TRIM62: variants seen among roughly 807,000 people sequenced by gnomAD.
The protein encoded by TRIM62 is tripartite motif containing 62.
In TRIM62, 39 loss-of-function variants were observed where a neutral mutation model predicts 44.2. The observed-to-expected ratio is 0.88, with a 90% CI of 0.68 to 1.15. TRIM62 has a LOEUF of 1.15. TRIM62 is among the 50% of genes most tolerant of loss of function. TRIM62 has a pLI of 0.00. For missense variants in TRIM62, 544 were observed against 665.5 expected (o/e 0.82, Z 2.01); for synonymous variants, 278 against 292.3 (o/e 0.95, Z 0.50).
chr1:33,160,032 A>C (rs1464414603), intron 2 of TRIM62, 88 bp from the exon 3 acceptor site: 1 of 1,531,456 alleles, frequency 6.5e-7, no homozygotes, highest in Non-Finnish European at 8.8e-7. Context: ...GCCTTGACAC[A>C]CAGAGAGGAA....
At chr1:33,169,178 CACTT>C (rs1230643576) in intron 1 of TRIM62, among the ~76,000 whole-genome samples, 3 of 152,154 alleles carry the variant, frequency 2.0e-5, no homozygotes, top group African/African-American at 7.2e-5. Flanking sequence ...GGGACACAGA[CACTT>C]ACATCATGGG....
At position 33,165,138 on chromosome 1, in the gene TRIM62, C is replaced by T; in HGVS notation, c.504+333G>A. On this transcript the variant is annotated intron_variant, in intron 2 of 4. Transcript: ENST00000291416. This position sits in a 1 kb window ranked among gnomAD's most constrained non-coding sequence, Gnocchi z 4.0. Reference sequence around the variant, plus strand: ...GAGGAGAAAGAGACTGAGCACATTCCCCAGCCCTTCAGGAGGCAGGGGGTT... The same window carrying T: ...GAGGAGAAAGAGACTGAGCACATTCTCCAGCCCTTCAGGAGGCAGGGGGTT... 1 of 219,836 alleles carries T rather than the reference C, an allele frequency of 4.5e-6. No individual in the cohort carries two copies. Among genetic ancestry groups the T allele is most frequent in the Non-Finnish European group, 9.1e-6 (1 of 110,028 alleles). 13.6% of individuals were successfully genotyped at this position (219,836 alleles called of 1,614,324 possible).
Position 33,159,859 on chromosome 1 carries a change from A to G in TRIM62, c.590T>C (p.Leu197Pro). 6.2e-7 allele frequency: 1 copy of G among 1,613,196 alleles called. No homozygotes were observed. The highest frequency in any genetic ancestry group is 8.5e-7 in the Non-Finnish European group (1 of 1,180,002). ...RLLRERQKAM[L>P]EELEADTART... ...GGCCGTGTCCGCCTCCAGCTCCTCT[A>G]GCATGGCCTTCTGGCGTTCACGCAG... is the stretch of plus-strand genomic sequence containing the variant. Residue 197 changes from leucine to proline, a missense_variant, in exon 3 of 5, where the codon CTA (leucine) becomes CCA (proline). Coordinates refer to ENST00000291416, the MANE Select transcript of TRIM62 (RefSeq NM_018207.3). This position sits in a 1 kb window ranked among gnomAD's most constrained non-coding sequence, Gnocchi z 4.2.
chr1:33,153,136 G>A (rs1645126055), intron 4 of TRIM62, among the ~76,000 whole-genome samples: 2 of 152,214 alleles, frequency 1.3e-5, no homozygotes, highest in Admixed American at 1.3e-4. Flanking sequence ...CTGAGCTGGA[G>A]GGGAGGGGCA....
rs1645336694 is a variant in TRIM62 at position 33,167,215 on chromosome 1, C to A, written c.409-1649G>T. On this transcript the variant is annotated intron_variant, in intron 1 of 4. Transcript: ENST00000291416. This position sits in a 1 kb window ranked among gnomAD's most constrained non-coding sequence, Gnocchi z 4.2. ...CCACGCACAGTGGCACCTCCTCATA[C>A]CCTGTCACACATCTGGATTCACGGT... is the stretch of plus-strand genomic sequence containing the variant. 6.6e-6 allele frequency among the ~76,000 whole-genome samples: 1 copy of A among 152,204 alleles called. No homozygotes were observed. Among genetic ancestry groups the A allele is most frequent in the African/African-American group, 2.4e-5 (1 of 41,446 alleles).
intron 4 of TRIM62, among the ~76,000 whole-genome samples, chr1:33,156,737 G>A (rs956812085): frequency 1.3e-5 from 2 of 152,140 alleles, no homozygotes; most frequent in Non-Finnish European, 2.9e-5. Flanking sequence ...CATCCCTACT[G>A]CCTTTTCAGC....
rs951264472 is a variant in TRIM62, at chr1:33,179,259, G to A, written c.408+1766C>T. Among the ~76,000 whole-genome samples the A allele has an allele frequency of 2.0e-5, 3 of 152,360 alleles. 1 individual carries two copies. Among genetic ancestry groups the A allele is most frequent in the Middle Eastern group, 6.8e-3 (2 of 294 alleles). The stretch of plus-strand genomic sequence containing the variant: ...CAGGCTCCCAGAGGCCCAGGCCCTT[G>A]CTCACCCTCTGATGGGGCCTTCATC... On this transcript the variant is annotated intron_variant, in intron 1 of 4. Coordinates refer to ENST00000291416, the MANE Select transcript of TRIM62 (RefSeq NM_018207.3).
chr1:33,147,279 G>A lies in TRIM62; in HGVS notation c.1326C>T (p.Arg442=), dbSNP rs746662481. The part of the protein sequence containing the change: ...ADDMSWLYTF[R]EKFPGKLCSY... ...AGCAGAGCTTGCCAGGGAACTTCTC[G>A]CGGAAGGTGTAGAGCCAGGACATGT... The change falls in exon 5 of 5, where the codon CGC becomes CGT. Residue 442 remains arginine (R), a synonymous_variant. Coordinates refer to ENST00000291416, the MANE Select transcript of TRIM62 (RefSeq NM_018207.3). The surrounding 1 kb of genome is among the most constrained non-coding windows in gnomAD (Gnocchi z 8.1). 56 of 1,614,028 alleles carry A rather than the reference G, an allele frequency of 3.5e-5. 1 individual carries two copies. The Admixed American group carries it at 4.5e-4, about 13-fold the overall frequency.
intron 4 of TRIM62, among the ~76,000 whole-genome samples, chr1:33,157,223 C>G (rs1044946888): frequency 6.6e-6 from 1 of 152,188 alleles, no homozygotes; most frequent in Non-Finnish European, 1.5e-5. Context: ...TTCACCTTGA[C>G]CCTCCTTCTC....
chr1:33,175,537 C>T (rs1219727115), intron 1 of TRIM62, among the ~76,000 whole-genome samples: 1 of 152,130 alleles, frequency 6.6e-6, no homozygotes, highest in Non-Finnish European at 1.5e-5. Flanking sequence ...AAATGGGGAG[C>T]GTGTCAACCA....
rs1177833001 is a variant in TRIM62 at position 33,169,713 on chromosome 1, A to C, written c.409-4147T>G. On this transcript the variant is annotated intron_variant, in intron 1 of 4. Coordinates refer to ENST00000291416, the MANE Select transcript of TRIM62 (RefSeq NM_018207.3). ...CACGTGGCTATTTAAATTGCAATTA[A>C]TTAAAATGAAATAAAATGGAAAATT... Among the ~76,000 whole-genome samples, 3 of 152,242 alleles carry C rather than the reference A, an allele frequency of 2.0e-5. 1 individual carries two copies. Among genetic ancestry groups the C allele is most frequent in the African/African-American group, 7.2e-5 (3 of 41,462 alleles).
chr1:33,166,566 C>T (rs1645329346), intron 1 of TRIM62, among the ~76,000 whole-genome samples: 1 of 152,126 alleles, frequency 6.6e-6, no homozygotes, highest in Non-Finnish European at 1.5e-5. Context: ...TTATTATCTC[C>T]ATCTTCTGAT....
Position 33,177,090 on chromosome 1 carries a change from A to C in TRIM62, c.408+3935T>G, listed in dbSNP as rs645998. Among the ~76,000 whole-genome samples, 113,017 of 150,850 alleles carry C rather than the reference A, an allele frequency of 0.75. 42,270 individuals carry two copies. Among genetic ancestry groups the C allele is most frequent in the Admixed American group, 0.78 (11,778 of 15,180 alleles). ...ATGCACACACACACATGCATGCACA[A>C]ATGCACACACATGCACACACACATG... On this transcript the variant is annotated intron_variant, in intron 1 of 4. Transcript: ENST00000291416. This position sits in a 1 kb window ranked among gnomAD's most constrained non-coding sequence, Gnocchi z 4.1.
intron 1 of TRIM62, among the ~76,000 whole-genome samples, chr1:33,171,435 T>C (rs990324486): frequency 1.3e-5 from 2 of 152,106 alleles, no homozygotes; most frequent in African/African-American, 4.8e-5. Context: ...CTTGCCTAAG[T>C]TCACACAGCT....
In TRIM62 at chr1:33,181,516, G is replaced by A; in HGVS notation, c.-84C>T. 1.4e-6 allele frequency: 2 copies of A among 1,461,972 alleles called. No individual in the cohort carries two copies. Among genetic ancestry groups the A allele is most frequent in the Non-Finnish European group, 1.8e-6 (2 of 1,117,212 alleles). The allele number at this position is 1,461,972 out of a possible 1,614,324, so 90.6% of individuals were successfully genotyped here. On this transcript the variant is annotated 5_prime_UTR_variant, in exon 1 of 5. Coordinates refer to ENST00000291416, the MANE Select transcript of TRIM62 (RefSeq NM_018207.3). This position sits in a 1 kb window ranked among gnomAD's most constrained non-coding sequence, Gnocchi z 6.5. ...GGCGCTGTCGGAGGCAGCACCGAGG[G>A]CTGGGCGCGGGGACGAGGCCCGCAC...
At position 33,158,903 on chromosome 1, in the gene TRIM62, C is replaced by T. The variant is rs1325597006; in HGVS notation, c.762-535G>A. 6.6e-5 allele frequency among the ~76,000 whole-genome samples: 10 copies of T among 151,828 alleles called. 2 individuals are homozygous for T. The highest frequency in any genetic ancestry group is 6.6e-5 in the Admixed American group (1 of 15,262). ...TTGCCCAGGCTGAAGTGCAATGGCG[C>T]GATCTCAGCTCACTGCAACCTCTGC... On this transcript the variant is annotated intron_variant, in intron 3 of 4. Coordinates refer to ENST00000291416, the MANE Select transcript of TRIM62 (RefSeq NM_018207.3).
At chr1:33,163,886 G>A (rs1351127265) in intron 2 of TRIM62, 1 of 153,034 alleles carries the variant, frequency 6.5e-6, no homozygotes, top group Non-Finnish European at 1.5e-5. Context: ...AACTCGAGGG[G>A]GATGTGGCCC....
chr1:33,155,022 G>A (rs980098633), intron 4 of TRIM62, among the ~76,000 whole-genome samples: 3 of 148,684 alleles, frequency 2.0e-5, no homozygotes, highest in African/African-American at 7.4e-5. Flanking sequence ...GAACCCGGGA[G>A]GCAGACCTTG....
At position 33,181,132 on chromosome 1, in the gene TRIM62, G is replaced by A. The variant is rs572917333; in HGVS notation, c.301C>T (p.Leu101Phe). ...AGCGCGCGGTCCGTGAGGCAGAAGA[G>A]CTTGACCTTGTCGTGCGCCTGGCAG... ...RPCQAHDKVK[L>F]FCLTDRALLC... Residue 101 changes from leucine (L) to phenylalanine (F), a missense_variant, in exon 1 of 5, where the codon CTC (leucine) becomes TTC (phenylalanine). Leu to Phe is a conservative substitution (Grantham distance 22, BLOSUM62 0). Coordinates refer to ENST00000291416, the MANE Select transcript of TRIM62 (RefSeq NM_018207.3). This position sits in a 1 kb window ranked among gnomAD's most constrained non-coding sequence, Gnocchi z 6.5. The A allele has an allele frequency of 9.4e-6, 15 of 1,600,736 alleles. No individual in the cohort carries two copies. In the East Asian group the frequency reaches 1.1e-4, roughly 12 times the overall value.
Sources: allele counts gnomAD v4.1 joint callset (sites outside exome capture counted in the v4.1 genomes callset), GRCh38; gene constraint gnomAD v4.1.1; non-coding constraint Gnocchi (gnomAD v3.1); transcripts MANE v1.5; gene names NCBI Gene and HGNC (gene_info 2026-07-23, HGNC 2026-07-21).